The following PMEPA1 variants were observed in gnomAD, a reference collection of about 807,000 sequenced individuals.
PMEPA1 encodes the protein prostate transmembrane protein, androgen induced 1.
In PMEPA1, 11 loss-of-function variants were observed where a neutral mutation model predicts 23.0. The observed-to-expected ratio is 0.48, with a 90% CI of 0.30 to 0.79. PMEPA1 has a LOEUF of 0.79. Ranked by LOEUF, PMEPA1 falls within the 30% of genes least tolerant of loss-of-function variation. The probability of loss-of-function intolerance (pLI) is 0.06; values close to 1 mark genes in which losing one functional copy is unlikely to be tolerated. For missense variants in PMEPA1, 377 were observed against 390.9 expected (o/e 0.96, Z 0.30); for synonymous variants, 204 against 166.4 (o/e 1.23, Z -1.74).
rs2071650338 is a variant in PMEPA1 at position 57,677,272 on chromosome 20, ATGG to A, written c.110-17578_110-17576del. ...CCTTGTCTGTACCATGGAGTGAACTATGGCCCCGTCTCATTGGGTTGTTTGAGG... is the reference window on the plus strand; with the variant it reads ...CCTTGTCTGTACCATGGAGTGAACTACCCCGTCTCATTGGGTTGTTTGAGG... On this transcript the variant is annotated intron_variant, in intron 1 of 3. Coordinates refer to ENST00000341744, the MANE Select transcript of PMEPA1 (RefSeq NM_020182.5). Among the ~76,000 whole-genome samples, 7 of 152,278 alleles carry A rather than the reference ATGG, an allele frequency of 4.6e-5. No homozygotes were observed. The South Asian group carries it at 1.2e-3, about 27-fold the overall frequency.
intron 1 of PMEPA1, among the ~76,000 whole-genome samples, chr20:57,678,947 T>TA (rs2146678322): frequency 6.6e-6 from 1 of 152,292 alleles, no homozygotes; most frequent in African/African-American, 2.4e-5. Flanking sequence ...TATCAACATA[T>TA]TGTTCAGGAA....
chr20:57,664,369 C>G (rs1389629018), intron 1 of PMEPA1, among the ~76,000 whole-genome samples: 1 of 152,372 alleles, frequency 6.6e-6, no homozygotes, highest in African/African-American at 2.4e-5. Context: ...AGCATGGGCT[C>G]CCTCCCCACA....
chr20:57,674,894 GA>G (rs937263180), intron 1 of PMEPA1, among the ~76,000 whole-genome samples: 2 of 152,178 alleles, frequency 1.3e-5, no homozygotes. Context: ...CTGTACCCCA[GA>G]AATCAGGCTG....
Position 57,682,791 on chromosome 20 carries a change from A to G in PMEPA1, c.110-23094T>C, listed in dbSNP as rs2071738128. Among the ~76,000 whole-genome samples the G allele has an allele frequency of 6.6e-6, 1 of 152,254 alleles. No homozygotes were observed. Among genetic ancestry groups the G allele is most frequent in the African/African-American group, 2.4e-5 (1 of 41,474 alleles). On this transcript the variant is annotated intron_variant, in intron 1 of 3. Transcript: ENST00000341744. This position sits in a 1 kb window ranked among gnomAD's most constrained non-coding sequence, Gnocchi z 4.4. ...ATATTTCTGCTAGATGCTGCCTGGG[A>G]GCTGGGCTTTCTGCATGAGCAGGCC...
chr20:57,652,666 A>G lies in PMEPA1; in HGVS notation c.319-68T>C. 6 of 1,269,690 alleles carry G rather than the reference A, an allele frequency of 4.7e-6. No individual in the cohort carries two copies. The highest frequency in any genetic ancestry group is 6.3e-6 in the Non-Finnish European group (6 of 947,572). The allele number at this position is 1,269,690 out of a possible 1,614,324, so 78.7% of individuals were successfully genotyped here. A position where few individuals can be genotyped will look rare whatever the true frequency, so the allele number is the denominator to read the frequency against. On this transcript the variant is annotated intron_variant, in intron 3 of 3. Coordinates refer to ENST00000341744, the MANE Select transcript of PMEPA1 (RefSeq NM_020182.5). This position sits in a 1 kb window ranked among gnomAD's most constrained non-coding sequence, Gnocchi z 6.1. ...GGTGGGTTGTCCAGAAGCGATCCTG[A>G]GACTGGAGTTCTGCTGCATGGGACT...
At chr20:57,681,844 G>A (rs1053689717) in intron 1 of PMEPA1, among the ~76,000 whole-genome samples, 7 of 151,978 alleles carry the variant, frequency 4.6e-5, no homozygotes, top group African/African-American at 9.7e-5. Context: ...TCACCCTCTC[G>A]GCTTCTCCTC....
chr20:57,708,437 GT>G (rs553134062), intron 1 of PMEPA1, among the ~76,000 whole-genome samples: 4 of 152,214 alleles, frequency 2.6e-5, no homozygotes, highest in Non-Finnish European at 5.9e-5. Context: ...GTCCACCTAG[GT>G]GGGCTGTGTG....
chr20:57,683,440 T>C lies in PMEPA1; in HGVS notation c.110-23743A>G, dbSNP rs1160058222. Among the ~76,000 whole-genome samples the C allele has an allele frequency of 6.6e-6, 1 of 152,108 alleles. No individual in the cohort carries two copies. Among genetic ancestry groups the C allele is most frequent in the Admixed American group, 6.5e-5 (1 of 15,276 alleles). On this transcript the variant is annotated intron_variant, in intron 1 of 3. Transcript: ENST00000341744. The surrounding 1 kb of genome is among the most constrained non-coding windows in gnomAD (Gnocchi z 4.3). ...GCCAGCCTGAGGATCCAATATTTAATAGCCCATCCTTCAGGAACATTCCTG... is the reference window on the plus strand; with the variant it reads ...GCCAGCCTGAGGATCCAATATTTAACAGCCCATCCTTCAGGAACATTCCTG...
chr20:57,656,525 T>G lies in PMEPA1; in HGVS notation c.264+3018A>C, dbSNP rs2071329017. Among the ~76,000 whole-genome samples the G allele has an allele frequency of 6.6e-6, 1 of 152,130 alleles. No individual in the cohort carries two copies. The highest frequency in any genetic ancestry group is 2.4e-5 in the African/African-American group (1 of 41,456). On this transcript the variant is annotated intron_variant, in intron 2 of 3. Transcript: ENST00000341744. The surrounding 1 kb of genome is among the most constrained non-coding windows in gnomAD (Gnocchi z 4.7). Reference sequence around the variant, plus strand: ...CCTGAAGTCTGCGCCACTCCGTGGCTGGGCGGTCACTGCAGTGACGTTCTG... The same window carrying G: ...CCTGAAGTCTGCGCCACTCCGTGGCGGGGCGGTCACTGCAGTGACGTTCTG...
At position 57,662,542 on chromosome 20, in the gene PMEPA1, C is replaced by T. The variant is rs575085250; in HGVS notation, c.110-2845G>A. On this transcript the variant is annotated intron_variant, in intron 1 of 3. Coordinates refer to ENST00000341744, the MANE Select transcript of PMEPA1 (RefSeq NM_020182.5). ...ATGTTCCTGGCCAGGAGAGATCAGG[C>T]TTCAGACCCAGGTCGCTGTGGCCAC... 6.0e-4 allele frequency among the ~76,000 whole-genome samples: 92 copies of T among 152,344 alleles called. 1 individual carries two copies. Among genetic ancestry groups the T allele is most frequent in the South Asian group, 2.3e-3 (11 of 4,830 alleles).
intron 1 of PMEPA1, among the ~76,000 whole-genome samples, chr20:57,659,931 C>T (rs1439590505): frequency 2.0e-5 from 3 of 152,216 alleles, no homozygotes; most frequent in Non-Finnish European, 2.9e-5. Flanking sequence ...GAGAGCACCT[C>T]AAAGGTGTCC....
At chr20:57,697,663 G>A (rs2071958920) in intron 1 of PMEPA1, among the ~76,000 whole-genome samples, 1 of 152,228 alleles carries the variant, frequency 6.6e-6, no homozygotes, top group Non-Finnish European at 1.5e-5. Context: ...CAGCTATGCA[G>A]ATGGGGAACC....
At chr20:57,701,836 T>C (rs144626906) in intron 1 of PMEPA1, among the ~76,000 whole-genome samples, 72 of 152,256 alleles carry the variant, frequency 4.7e-4, no homozygotes, top group Non-Finnish European at 8.2e-4. Context: ...CTTCCTCCCT[T>C]CATCCAACGC....
chr20:57,689,659 C>T (rs2071850122), intron 1 of PMEPA1, among the ~76,000 whole-genome samples: 1 of 152,222 alleles, frequency 6.6e-6, no homozygotes, highest in Non-Finnish European at 1.5e-5. Flanking sequence ...TCATGATGAT[C>T]AGCTTAGAAG....
intron 1 of PMEPA1, among the ~76,000 whole-genome samples, chr20:57,702,671 C>A (rs1220763880): frequency 6.6e-6 from 1 of 152,196 alleles, no homozygotes; most frequent in Non-Finnish European, 1.5e-5. Context: ...GCGTTTGAAT[C>A]CCAATGGAGC....
At position 57,659,697 on chromosome 20, in the gene PMEPA1, G is replaced by A. The variant is rs375069837; in HGVS notation, c.110C>T (p.Thr37Met). Reference protein sequence around the residue: ...KRSLFQSMEITELEFVQIIII... With the variant: ...KRSLFQSMEIMELEFVQIIII... ...GATGATCTGAACAAACTCCAGCTCC[G>A]CTGTGGAGACAAAGAGGGACACGTG... Residue 37 changes from threonine (T) to methionine (M), a missense_variant and splice_region_variant, in exon 2 of 4, where the codon ACG becomes ATG. This residue lies in a region of PMEPA1 where 198 missense variants were observed against 196.3 expected (regional missense o/e 1.01). Coordinates refer to ENST00000341744, the MANE Select transcript of PMEPA1 (RefSeq NM_020182.5). 1.3e-6 allele frequency: 2 copies of A among 1,569,492 alleles called. No homozygotes were observed. Among genetic ancestry groups the A allele is most frequent in the African/African-American group, 1.4e-5 (1 of 73,778 alleles).
At chr20:57,669,670 C>T (rs2146664143) in intron 1 of PMEPA1, among the ~76,000 whole-genome samples, 1 of 152,302 alleles carries the variant, frequency 6.6e-6, no homozygotes, top group East Asian at 1.9e-4. Context: ...TTTAAAAATA[C>T]AGGTGAAACC....
rs574497661 is a variant in PMEPA1, at chr20:57,651,834, GGTTT to G, written c.*215_*218del. The G allele has an allele frequency of 9.1e-4, 349 of 383,002 alleles. 2 individuals carry two copies. Among genetic ancestry groups the G allele is most frequent in the African/African-American group, 7.2e-3 (329 of 45,510 alleles). The allele number at this position is 383,002 out of a possible 1,614,324, so 23.7% of individuals were successfully genotyped here. On this transcript the variant is annotated 3_prime_UTR_variant, in exon 4 of 4. Coordinates refer to ENST00000341744, the MANE Select transcript of PMEPA1 (RefSeq NM_020182.5). ...AAGACACAGCTCAACAAAGAAACGT[GGTTT>G]TTTTTTTTCTTTTTTCTTTTTTTTT...
intron 1 of PMEPA1, chr20:57,700,090 G>A (rs555862845): frequency 2.8e-5 from 13 of 471,158 alleles, no homozygotes; most frequent in Non-Finnish European, 5.3e-5. Flanking sequence ...CCCAAAGCCA[G>A]TGATGGAACT....
Sources: gnomAD v4.1 joint callset for allele counts (sites outside exome capture counted in the v4.1 genomes callset) on GRCh38, gnomAD v4.1.1 for gene constraint, gnomAD v4.1.1 regional missense constraint, Gnocchi (gnomAD v3.1) non-coding constraint, MANE v1.5 for transcripts, NCBI Gene and HGNC (gene_info 2026-07-23, HGNC 2026-07-21) for gene names.